CD4: variants seen among roughly 807,000 people sequenced by gnomAD.
CD4 encodes the protein T-cell surface glycoprotein CD4.
Under a neutral mutation model 50.5 loss-of-function variants are expected in CD4, and 25 were observed. The ratio of observed to expected loss-of-function variants is 0.49; its 90% CI spans 0.36 to 0.69. The LOEUF is 0.69. Ranked by LOEUF, CD4 falls within the 30% of genes least tolerant of loss-of-function variation. CD4 has a pLI of 0.00. For synonymous variants in CD4, 207 were observed against 221.9 expected (o/e 0.93, Z 0.60); for missense variants, 456 against 548.5 (o/e 0.83, Z 1.68).
intron 3 of CD4, among the ~76,000 whole-genome samples, chr12:6,811,996 T>G (rs1229949808): frequency 1.3e-5 from 2 of 152,156 alleles, no homozygotes; most frequent in Non-Finnish European, 2.9e-5. Context: ...AAATAATTTT[T>G]TTTAGAGACG....
intron 3 of CD4, among the ~76,000 whole-genome samples, chr12:6,812,474 A>G (rs1375971582): frequency 1.3e-5 from 2 of 152,256 alleles, no homozygotes; most frequent in Admixed American, 1.3e-4. Flanking sequence ...GAGGTTGGGC[A>G]TTCGAGACCA....
intron 3 of CD4, among the ~76,000 whole-genome samples, chr12:6,802,962 C>T (rs1201346039): frequency 2.0e-5 from 3 of 151,098 alleles, no homozygotes; most frequent in Non-Finnish European, 4.4e-5. Context: ...CTCAATCTCT[C>T]GACTTCGTGA....
chr12:6,813,221 T>TTA (rs1491475895), intron 3 of CD4, among the ~76,000 whole-genome samples: 7 of 82,736 alleles, frequency 8.5e-5, no homozygotes, highest in African/African-American at 5.4e-4. Flanking sequence ...TTAAAAAAAA[T>TTA]TTTTTTTTTT....
intron 5 of CD4, chr12:6,815,815 T>C: frequency 6.8e-7 from 1 of 1,471,430 alleles, no homozygotes; most frequent in Non-Finnish European, 9.0e-7. Context: ...CCCCTGTGGC[T>C]GGGCTGCTCT....
At chr12:6,813,048 T>C (rs1942984735) in intron 3 of CD4, among the ~76,000 whole-genome samples, 4 of 151,780 alleles carry the variant, frequency 2.6e-5, no homozygotes, top group African/African-American at 9.7e-5. Flanking sequence ...CTGGGGCTAC[T>C]GGCATGCACC....
At chr12:6,790,118 TA>T (rs1251401579) in intron 1 of CD4, among the ~76,000 whole-genome samples, 2 of 133,232 alleles carry the variant, frequency 1.5e-5, no homozygotes, top group Non-Finnish European at 3.2e-5. Context: ...AGGAAACCTA[TA>T]AAAAAGAAAT....
chr12:6,817,852 T>C (rs1407588558), intron 7 of CD4, among the ~76,000 whole-genome samples: 12 of 144,514 alleles, frequency 8.3e-5, no homozygotes, highest in African/African-American at 3.4e-4. Flanking sequence ...TACACACACA[T>C]GTACTCACAC....
rs146392072 is a variant in CD4, at chr12:6,790,631, T to C, written c.-68+969T>C. Among the ~76,000 whole-genome samples the C allele has an allele frequency of 4.0e-3, 615 of 152,292 alleles. 6 individuals carry two copies. The highest frequency in any genetic ancestry group is 0.013 in the African/African-American group (537 of 41,562). On this transcript the variant is annotated intron_variant, in intron 1 of 9. Coordinates refer to ENST00000011653, the MANE Select transcript of CD4 (RefSeq NM_000616.5). The stretch of plus-strand genomic sequence containing the variant: ...GCAGGGTGTGAGGGAGAGTGAGGAC[T>C]CACTGTCCCTCCTGAAGGGAAGCCC...
chr12:6,818,395 A>G lies in CD4; in HGVS notation c.1157-26A>G. On this transcript the variant is annotated intron_variant, in intron 7 of 9. Coordinates refer to ENST00000011653, the MANE Select transcript of CD4 (RefSeq NM_000616.5). This position sits in a 1 kb window ranked among gnomAD's most constrained non-coding sequence, Gnocchi z 5.0. ...CCTGGCCCGTGGAGGAGGGCGGTGCATTGAGCACATTTCTCTCCCTTGCAG... is the reference window on the plus strand; with the variant it reads ...CCTGGCCCGTGGAGGAGGGCGGTGCGTTGAGCACATTTCTCTCCCTTGCAG... 1 of 1,609,798 alleles carries G rather than the reference A, an allele frequency of 6.2e-7. No individual in the cohort carries two copies. Among genetic ancestry groups the G allele is most frequent in the East Asian group, 2.2e-5 (1 of 44,806 alleles).
At chr12:6,805,819 G>A (rs1004879757) in intron 3 of CD4, among the ~76,000 whole-genome samples, 2 of 152,050 alleles carry the variant, frequency 1.3e-5, no homozygotes, top group Non-Finnish European at 2.9e-5. Flanking sequence ...GCTTACACCT[G>A]TAATCCTAGC....
In CD4 at chr12:6,818,322, G is replaced by T; in HGVS notation, c.1157-99G>T. 2 of 1,514,092 alleles carry T rather than the reference G, an allele frequency of 1.3e-6. No individual in the cohort carries two copies. The highest frequency in any genetic ancestry group is 1.8e-6 in the Non-Finnish European group (2 of 1,113,210). 93.8% of individuals were successfully genotyped at this position (1,514,092 alleles called of 1,614,324 possible). Reference sequence around the variant, plus strand: ...CCCTCCCCTCTCCCCCAACCCCAGGGTCAAACCAGAGACTGGCCAGGAGGG... The same window carrying T: ...CCCTCCCCTCTCCCCCAACCCCAGGTTCAAACCAGAGACTGGCCAGGAGGG... On this transcript the variant is annotated intron_variant, in intron 7 of 9. Coordinates refer to ENST00000011653, the MANE Select transcript of CD4 (RefSeq NM_000616.5). This position sits in a 1 kb window ranked among gnomAD's most constrained non-coding sequence, Gnocchi z 5.0.
At position 6,818,191 on chromosome 12, in the gene CD4, G is replaced by A. The variant is rs782681066; in HGVS notation, c.1157-230G>A. The stretch of plus-strand genomic sequence containing the variant: ...CACATGCACTCACACACACAGCCCA[G>A]GAGCCAGACCACAGCTTCTCTCTCT... On this transcript the variant is annotated intron_variant, in intron 7 of 9. Coordinates refer to ENST00000011653, the MANE Select transcript of CD4 (RefSeq NM_000616.5). The surrounding 1 kb of genome is among the most constrained non-coding windows in gnomAD (Gnocchi z 5.0). Among the ~76,000 whole-genome samples the A allele has an allele frequency of 6.6e-6, 1 of 152,082 alleles. No individual in the cohort carries two copies. Among genetic ancestry groups the A allele is most frequent in the Non-Finnish European group, 1.5e-5 (1 of 68,002 alleles).
chr12:6,817,938 CTT>C (rs1565502300), intron 7 of CD4, among the ~76,000 whole-genome samples: 2 of 152,036 alleles, frequency 1.3e-5, no homozygotes, highest in Non-Finnish European at 2.9e-5. Flanking sequence ...CACTCACACA[CTT>C]ATACACTCAC....
intron 1 of CD4, among the ~76,000 whole-genome samples, chr12:6,793,970 A>ATATCTATCTATCTATCTATC (rs35782413): frequency 0.047 from 6,269 of 133,816 alleles, 172 homozygotes; most frequent in Non-Finnish European, 0.057. Flanking sequence ...CTATCTATCT[A>ATATCTATCTATCTATCTATC]TATCTATCTA....
In CD4 at chr12:6,816,284, C is replaced by T. The variant is rs200399582; in HGVS notation, c.836C>T (p.Pro279Leu). The T allele has an allele frequency of 2.0e-5, 33 of 1,614,194 alleles. No individual in the cohort carries two copies. Among genetic ancestry groups the T allele is most frequent in the Non-Finnish European group, 2.6e-5 (31 of 1,180,020 alleles). ...DPKLQMGKKL[P>L]LHLTLPQALP... is the part of the protein sequence containing the mutation. Reference sequence around the variant, plus strand: ...AAGCTCCAGATGGGCAAGAAGCTCCCGCTCCACCTCACCCTGCCCCAGGCC... The same window carrying T: ...AAGCTCCAGATGGGCAAGAAGCTCCTGCTCCACCTCACCCTGCCCCAGGCC... Residue 279 changes from proline (P) to leucine (L), a missense_variant, in exon 6 of 10, where the codon CCG becomes CTG. Transcript: ENST00000011653. The surrounding 1 kb of genome is among the most constrained non-coding windows in gnomAD (Gnocchi z 4.9).
chr12:6,810,878 G>C (rs1412232057), intron 3 of CD4, among the ~76,000 whole-genome samples: 1 of 152,144 alleles, frequency 6.6e-6, no homozygotes, highest in Non-Finnish European at 1.5e-5. Context: ...AGGTTGTCTT[G>C]AGTAGGGAAG....
In CD4 at chr12:6,798,288, G is replaced by C. The variant is rs564854713; in HGVS notation, c.-67-1784G>C. Among the ~76,000 whole-genome samples, 20 of 104,882 alleles carry C rather than the reference G, an allele frequency of 1.9e-4. 2 individuals are homozygous for C. Among genetic ancestry groups the C allele is most frequent in the African/African-American group, 7.0e-4 (20 of 28,460 alleles). The allele number at this position is 104,882 out of a possible 152,430, so 68.8% of individuals were successfully genotyped here. A position where few individuals can be genotyped will look rare whatever the true frequency, so the allele number is the denominator to read the frequency against. Reference sequence around the variant, plus strand: ...GGGTTCACGCCATTCTCCTGCCTCAGCCTCCCGAGTAGCTGGGACTACAGG... The same window carrying C: ...GGGTTCACGCCATTCTCCTGCCTCACCCTCCCGAGTAGCTGGGACTACAGG... On this transcript the variant is annotated intron_variant, in intron 1 of 9. Coordinates refer to ENST00000011653, the MANE Select transcript of CD4 (RefSeq NM_000616.5).
At chr12:6,814,719 G>A in intron 4 of CD4, 40 bp from the exon 5 acceptor site, 1 of 1,415,134 alleles carries the variant, frequency 7.1e-7, no homozygotes, top group Non-Finnish European at 1.0e-6. Flanking sequence ...TCTCCTTGGG[G>A]ATGGTATGTG....
chr12:6,817,035 C>T (rs1943098921), intron 6 of CD4, 95 bp from the exon 7 acceptor site: 1 of 1,087,776 alleles, frequency 9.2e-7, no homozygotes. Context: ...AAAACCTGCT[C>T]TAAAAGGCTA....
Sources: allele counts gnomAD v4.1 joint callset (sites outside exome capture counted in the v4.1 genomes callset), GRCh38; gene constraint gnomAD v4.1.1; non-coding constraint Gnocchi (gnomAD v3.1); transcripts MANE v1.5; gene names NCBI Gene and HGNC (gene_info 2026-07-23, HGNC 2026-07-21).